The following ANKRD12 variants were observed in gnomAD, a reference collection of about 807,000 sequenced individuals.
ANKRD12 encodes the protein ankyrin repeat domain-containing protein 12.
In ANKRD12, 85 loss-of-function variants were observed where a neutral mutation model predicts 183.4. The ratio of observed to expected loss-of-function variants is 0.46; its 90% CI spans 0.39 to 0.56. ANKRD12 has a LOEUF of 0.56. ANKRD12 is among the 20% of genes least tolerant of loss of function. The pLI is 0.00. For missense variants in ANKRD12, 2,405 were observed against 2,357.1 expected, an observed-to-expected ratio of 1.02 and a Z score of -0.42; for synonymous variants, 914 against 800.2, an observed-to-expected ratio of 1.14 and a Z score of -2.40.
In ANKRD12 at chr18:9,230,602, G is replaced by A. The variant is rs550852483; in HGVS notation, c.943+8603G>A. Reference sequence around the variant, plus strand: ...TTTATTGCTATAAACCTCTTTTTTAGCATTGCTTTTGCTGTGTCCCCAGGT... The same window carrying A: ...TTTATTGCTATAAACCTCTTTTTTAACATTGCTTTTGCTGTGTCCCCAGGT... On this transcript the variant is annotated intron_variant, in intron 8 of 12. Transcript: ENST00000262126. Among the ~76,000 whole-genome samples, 24 of 149,630 alleles carry A rather than the reference G, an allele frequency of 1.6e-4. No homozygotes were observed. In the South Asian group the frequency reaches 5.0e-3, roughly 31 times the overall value.
At position 9,255,711 on chromosome 18, in the gene ANKRD12, T is replaced by C. The variant is rs1408601159; in HGVS notation, c.2444T>C (p.Ile815Thr). ...EIDIEKQEKH[I>T]KESKEKPEKR... The stretch of plus-strand genomic sequence containing the variant: ...GACATTGAAAAACAAGAAAAGCATA[T>C]AAAGGAAAGTAAAGAAAAACCTGAG... Residue 815 changes from isoleucine to threonine, a missense_variant, in exon 9 of 13, where the codon ATA becomes ACA. Around this residue, in one of 7 missense-constraint regions of ANKRD12, gnomAD observed 1,983 missense variants for 1,725.9 expected, o/e 1.15. Coordinates refer to ENST00000262126, the MANE Select transcript of ANKRD12 (RefSeq NM_015208.5). 6.3e-7 allele frequency: 1 copy of C among 1,596,070 alleles called. No homozygotes were observed. Among genetic ancestry groups the C allele is most frequent in the Non-Finnish European group, 8.5e-7 (1 of 1,175,248 alleles).
chr18:9,264,297 A>G (rs537631911), intron 10 of ANKRD12, among the ~76,000 whole-genome samples: 6 of 152,298 alleles, frequency 3.9e-5, no homozygotes, highest in African/African-American at 7.2e-5. Context: ...GTGCCTTCCA[A>G]TGGTTAGTCT....
intron 1 of ANKRD12, among the ~76,000 whole-genome samples, chr18:9,157,556 T>TGTGTGTGG (rs2030717739): frequency 1.2e-5 from 1 of 86,680 alleles, no homozygotes; most frequent in Non-Finnish European, 2.2e-5. Flanking sequence ...TGTGGGTGTG[T>TGTGTGTGG]GTGTGTGTGT....
chr18:9,278,083 G>A (rs1466757328), intron 11 of ANKRD12, among the ~76,000 whole-genome samples: 1 of 152,148 alleles, frequency 6.6e-6, no homozygotes, highest in African/African-American at 2.4e-5. Flanking sequence ...TCTGACATGG[G>A]GGAAGAAATT....
chr18:9,256,132 C>T lies in ANKRD12; in HGVS notation c.2865C>T (p.Asp955=), dbSNP rs201084612. 32 of 1,557,156 alleles carry T rather than the reference C, an allele frequency of 2.1e-5. No individual in the cohort carries two copies. The African/African-American group carries it at 3.8e-4, about 18-fold the overall frequency. The stretch of plus-strand genomic sequence containing the variant: ...AAAAAGGCAAAAATAAAGAAAAAGA[C>T]AGGGAGCTAGATAAAAAGGAAAAAT... The part of the protein sequence containing the change: ...KSEKGKNKEK[D]RELDKKEKSR... Residue 955 remains aspartate, a synonymous_variant, in exon 9 of 13, where the codon GAC becomes GAT. Coordinates refer to ENST00000262126, the MANE Select transcript of ANKRD12 (RefSeq NM_015208.5).
At chr18:9,195,444 G>A (rs973375183) in intron 2 of ANKRD12, 107 bp from the exon 3 acceptor site, 34 of 719,538 alleles carry the variant, frequency 4.7e-5, no homozygotes, top group Non-Finnish European at 6.3e-5. Context: ...ACAGTGATAG[G>A]TAATACTATC....
At chr18:9,166,135 G>T (rs1044873281) in intron 1 of ANKRD12, among the ~76,000 whole-genome samples, 73 of 152,198 alleles carry the variant, frequency 4.8e-4, no homozygotes, top group Non-Finnish European at 6.5e-4. Context: ...GGACATTTAG[G>T]TTGGTTCCAA....
chr18:9,234,593 G>T (rs1487669008), intron 8 of ANKRD12, among the ~76,000 whole-genome samples: 5 of 152,164 alleles, frequency 3.3e-5, no homozygotes, highest in Non-Finnish European at 7.4e-5. Flanking sequence ...AGTCCTCTGG[G>T]TGGAGACTGG....
At chr18:9,198,893 A>T (rs1299722044) in intron 3 of ANKRD12, among the ~76,000 whole-genome samples, 1 of 152,152 alleles carries the variant, frequency 6.6e-6, no homozygotes, top group Non-Finnish European at 1.5e-5. Flanking sequence ...TGTTTATCTC[A>T]GCTTTCTTTA....
At chr18:9,170,093 G>T (rs1380702200) in intron 1 of ANKRD12, among the ~76,000 whole-genome samples, 1 of 152,246 alleles carries the variant, frequency 6.6e-6, no homozygotes, top group African/African-American at 2.4e-5. Context: ...CTGTTAGTCT[G>T]ATGGGCTTGC....
intron 2 of ANKRD12, among the ~76,000 whole-genome samples, chr18:9,185,059 G>A (rs920310049): frequency 3.3e-5 from 5 of 152,178 alleles, no homozygotes; most frequent in African/African-American, 7.2e-5. Context: ...GGATGAATCC[G>A]TATTTGACCA....
chr18:9,193,521 T>G (rs552158817), intron 2 of ANKRD12, among the ~76,000 whole-genome samples: 1 of 152,106 alleles, frequency 6.6e-6, no homozygotes, highest in Admixed American at 6.5e-5. Flanking sequence ...TTTTTTTTTG[T>G]TTGTTTGGTT....
chr18:9,237,753 A>G (rs1457956815), intron 8 of ANKRD12, among the ~76,000 whole-genome samples: 1 of 152,160 alleles, frequency 6.6e-6, no homozygotes, highest in African/African-American at 2.4e-5. Context: ...ATCTGGAAGG[A>G]TGTATACCAG....
At chr18:9,228,732 TA>T (rs2036867880) in intron 8 of ANKRD12, among the ~76,000 whole-genome samples, 5 of 152,140 alleles carry the variant, frequency 3.3e-5, no homozygotes, top group African/African-American at 9.7e-5. Flanking sequence ...GTCAGATGAG[TA>T]ATTTGCAAAT....
Position 9,281,332 on chromosome 18 carries a change from CTAT to C in ANKRD12, c.*211_*213del, listed in dbSNP as rs748871504. On this transcript the variant is annotated 3_prime_UTR_variant, in exon 13 of 13. Transcript: ENST00000262126. ...TCCAAACACAGTTTCTAATAGAAAA[CTAT>C]TATTTATATTGGGAAAGGTAACTAT... The C allele has an allele frequency of 4.9e-5, 21 of 427,558 alleles. No homozygotes were observed. The highest frequency in any genetic ancestry group is 8.1e-5 in the Non-Finnish European group (20 of 246,456). The allele number at this position is 427,558 out of a possible 1,614,324, so 26.5% of individuals were successfully genotyped here.
At chr18:9,272,519 A>G (rs1000117114) in intron 10 of ANKRD12, among the ~76,000 whole-genome samples, 8 of 151,816 alleles carry the variant, frequency 5.3e-5, no homozygotes, top group Non-Finnish European at 1.0e-4. Context: ...CTGATATCAC[A>G]CCATTGCACT....
chr18:9,279,667 T>C, intron 12 of ANKRD12, 23 bp downstream of exon 12: 2 of 1,368,058 alleles, frequency 1.5e-6, no homozygotes, highest in East Asian at 4.7e-5. Flanking sequence ...GGAAGTCAGT[T>C]TAAATGAATG....
chr18:9,271,635 G>C (rs562024965), intron 10 of ANKRD12, among the ~76,000 whole-genome samples: 1 of 152,284 alleles, frequency 6.6e-6, no homozygotes, highest in Non-Finnish European at 1.5e-5. Context: ...TGGGATTATA[G>C]GTATGAGCCA....
At chr18:9,173,621 G>GC (rs2032964324) in intron 1 of ANKRD12, among the ~76,000 whole-genome samples, 1 of 141,832 alleles carries the variant, frequency 7.1e-6, no homozygotes, top group Admixed American at 7.1e-5. Flanking sequence ...GGTGGTGGGG[G>GC]GGGGGTAGGG....
Sources: gnomAD v4.1 joint callset for allele counts (sites outside exome capture counted in the v4.1 genomes callset) on GRCh38, gnomAD v4.1.1 for gene constraint, gnomAD v4.1.1 regional missense constraint, MANE v1.5 for transcripts, NCBI Gene and HGNC (gene_info 2026-07-23, HGNC 2026-07-21) for gene names.